The following PMM2 variants were observed in gnomAD, a reference collection of about 807,000 sequenced individuals.
The protein encoded by PMM2 is mannose-6-phosphate isomerase.
PMM2 carries 35 observed loss-of-function variants against 33.2 expected under a neutral mutation model. That is an observed-to-expected ratio of 1.06 (90% CI 0.81 to 1.40). The LOEUF is 1.40. Ranked by LOEUF, PMM2 falls within the 40% of genes most tolerant of loss-of-function variation. The probability of loss-of-function intolerance (pLI) is 0.00; values close to 1 mark genes in which losing one functional copy is unlikely to be tolerated. For missense variants in PMM2, 386 were observed against 306.0 expected, an observed-to-expected ratio of 1.26 and a Z score of -1.95; for synonymous variants, 153 against 114.7, an observed-to-expected ratio of 1.33 and a Z score of -2.13.
rs545958069 is a variant in PMM2, at chr16:8,820,351, C to CTTTTTTTTTTTTTTTT, written c.639+7247_639+7262dup. On this transcript the variant is annotated intron_variant, in intron 7 of 7. Coordinates refer to ENST00000268261, the MANE Select transcript of PMM2 (RefSeq NM_000303.3). Reference sequence around the variant, plus strand: ...TCAGCCCAGTGAGGACACAGTTCTTCTTTTTTTTTTTTTTTTTCCTGAGAC... The same window carrying CTTTTTTTTTTTTTTTT: ...TCAGCCCAGTGAGGACACAGTTCTTCTTTTTTTTTTTTTTTTTTTTTTTTTTTTTTTTTCCTGAGAC... 2.3e-3 allele frequency among the ~76,000 whole-genome samples: 305 copies of CTTTTTTTTTTTTTTTT among 133,076 alleles called. 12 individuals are homozygous for CTTTTTTTTTTTTTTTT. The highest frequency in any genetic ancestry group is 9.2e-3 in the African/African-American group (295 of 32,114). The allele number at this position is 133,076 out of a possible 152,430, so 87.3% of individuals were successfully genotyped here. A position where few individuals can be genotyped will look rare whatever the true frequency, so the allele number is the denominator to read the frequency against.
At chr16:8,823,306 GA>G (rs964871488) in intron 7 of PMM2, among the ~76,000 whole-genome samples, 4 of 151,164 alleles carry the variant, frequency 2.6e-5, no homozygotes, top group Non-Finnish European at 4.4e-5. Context: ...AGAAAAGTGG[GA>G]AAAAAAAATT....
chr16:8,842,114 C>CGT (rs2060894693), intron 7 of PMM2: 5 of 150,854 alleles, frequency 3.3e-5, no homozygotes, highest in African/African-American at 9.8e-5. Flanking sequence ...TCTGACCGCA[C>CGT]TAACCATGCC....
intron 7 of PMM2, among the ~76,000 whole-genome samples, chr16:8,844,183 G>T (rs1387579739): frequency 6.6e-6 from 1 of 152,136 alleles, no homozygotes; most frequent in Non-Finnish European, 1.5e-5. Context: ...AGAAAATAAG[G>T]CATTTATTTA....
Position 8,801,796 on chromosome 16 carries a change from T to C in PMM2, c.67-3T>C. 6.3e-7 allele frequency: 1 copy of C among 1,591,180 alleles called. No homozygotes were observed. Among genetic ancestry groups the C allele is most frequent in the Non-Finnish European group, 8.6e-7 (1 of 1,162,502 alleles). ...CTGTTGTATTTTCTTTCTTGAAATTTAGAAAATTACCAAAGAAATGGATGA... is the reference window on the plus strand; with the variant it reads ...CTGTTGTATTTTCTTTCTTGAAATTCAGAAAATTACCAAAGAAATGGATGA... On this transcript the variant is annotated splice_polypyrimidine_tract_variant and splice_region_variant and intron_variant, in intron 1 of 7. Coordinates refer to ENST00000268261, the MANE Select transcript of PMM2 (RefSeq NM_000303.3).
At chr16:8,842,040 C>G (rs1029702313) in intron 7 of PMM2, among the ~76,000 whole-genome samples, 13 of 141,616 alleles carry the variant, frequency 9.2e-5, no homozygotes, top group Non-Finnish European at 1.7e-4. Context: ...TAGGCTAAAA[C>G]AGTAAGGTCA....
chr16:8,836,937 G>C (rs535727105), intron 7 of PMM2, among the ~76,000 whole-genome samples: 4 of 152,052 alleles, frequency 2.6e-5, no homozygotes, highest in Admixed American at 6.6e-5. Flanking sequence ...CTGGGCAGGT[G>C]GGGGAGGGCC....
chr16:8,833,592 T>A (rs894726280), intron 7 of PMM2, among the ~76,000 whole-genome samples: 4 of 151,328 alleles, frequency 2.6e-5, no homozygotes, highest in Admixed American at 2.0e-4. Flanking sequence ...TCAAGCGGGA[T>A]TAGGGGCGGC....
At chr16:8,804,043 T>TTTTTG (rs1266554199) in intron 2 of PMM2, among the ~76,000 whole-genome samples, 27 of 142,234 alleles carry the variant, frequency 1.9e-4, no homozygotes, top group East Asian at 8.2e-4. Flanking sequence ...TTTTTTTTTT[T>TTTTTG]TTTTTTTTGA....
At chr16:8,820,495 C>T (rs2060732292) in intron 7 of PMM2, among the ~76,000 whole-genome samples, 2 of 151,868 alleles carry the variant, frequency 1.3e-5, no homozygotes, top group Non-Finnish European at 2.9e-5. Flanking sequence ...CTGGGATTAC[C>T]GGTGCCCACC....
chr16:8,818,182 G>A (rs1218368809), intron 7 of PMM2, among the ~76,000 whole-genome samples: 2 of 151,604 alleles, frequency 1.3e-5, no homozygotes, highest in Admixed American at 1.3e-4. Context: ...GATTACAGGC[G>A]TGAGCCACTG....
intron 7 of PMM2, chr16:8,832,869 C>T (rs1026956759): frequency 1.0e-6 from 1 of 985,470 alleles, no homozygotes; most frequent in Non-Finnish European, 1.2e-6. Flanking sequence ...CCTCACGTCC[C>T]TCAGATGCCA....
chr16:8,821,003 C>G (rs924430042), intron 7 of PMM2, among the ~76,000 whole-genome samples: 1 of 32,264 alleles, frequency 3.1e-5, no homozygotes, highest in Non-Finnish European at 1.3e-4. Flanking sequence ...CCTTTGCGAT[C>G]CTGGACTTAA....
intron 7 of PMM2, among the ~76,000 whole-genome samples, chr16:8,839,672 G>C (rs951003882): frequency 1.3e-5 from 2 of 151,870 alleles, no homozygotes; most frequent in Admixed American, 6.6e-5. Context: ...TATTGATAGC[G>C]GGCTTGTCTG....
intron 7 of PMM2, among the ~76,000 whole-genome samples, chr16:8,847,365 C>T (rs933817086): frequency 3.6e-5 from 4 of 112,322 alleles, no homozygotes; most frequent in African/African-American, 1.1e-4. Flanking sequence ...GTTAGAAAAG[C>T]GTAGGTACAG....
At chr16:8,832,797 G>A (rs1448462765) in intron 7 of PMM2, 19 of 985,314 alleles carry the variant, frequency 1.9e-5, no homozygotes, top group South Asian at 1.4e-4. Context: ...GCTGTGGCCC[G>A]GCCCCAGCCC....
intron 7 of PMM2, 81 bp from the exon 8 acceptor site, chr16:8,847,643 A>T (rs543173762): frequency 8.8e-5 from 87 of 991,730 alleles, no homozygotes; most frequent in Non-Finnish European, 1.3e-4. Context: ...TTTTTTGGGT[A>T]CTTTTGGACT....
At position 8,813,148 on chromosome 16, in the gene PMM2, C is replaced by T. The variant is rs200182482; in HGVS notation, c.639+42C>T. On this transcript the variant is annotated intron_variant, in intron 7 of 7. Transcript: ENST00000268261. ...TTGTGCACCTTCATTGTTGCATTTG[C>T]GCTTGATGGGGGAAATTGACAACTG... 2.2e-4 allele frequency: 268 copies of T among 1,233,062 alleles called. 1 individual carries two copies. The highest frequency in any genetic ancestry group is 2.9e-4 in the Non-Finnish European group (238 of 831,786). The allele number at this position is 1,233,062 out of a possible 1,614,324, so 76.4% of individuals were successfully genotyped here. A position where few individuals can be genotyped will look rare whatever the true frequency, so the allele number is the denominator to read the frequency against.
intron 7 of PMM2, among the ~76,000 whole-genome samples, chr16:8,845,108 G>A (rs1443906053): frequency 2.0e-5 from 3 of 152,192 alleles, no homozygotes; most frequent in Non-Finnish European, 2.9e-5. Context: ...GGGTGCAGGC[G>A]GGCTGAGTCC....
At chr16:8,817,715 C>A (rs2060715818) in intron 7 of PMM2, among the ~76,000 whole-genome samples, 1 of 152,088 alleles carries the variant, frequency 6.6e-6, no homozygotes, top group South Asian at 2.1e-4. Flanking sequence ...TTAACCTGTG[C>A]ATTCATTATA....
Sources: allele counts gnomAD v4.1 joint callset (sites outside exome capture counted in the v4.1 genomes callset), GRCh38; gene constraint gnomAD v4.1.1; transcripts MANE v1.5; gene names NCBI Gene and HGNC (gene_info 2026-07-23, HGNC 2026-07-21).